TMEM132B: variants seen among roughly 807,000 people sequenced by gnomAD.
TMEM132B encodes transmembrane protein 132B.
Under a neutral mutation model 90.8 loss-of-function variants are expected in TMEM132B, and 18 were observed. The observed-to-expected ratio is 0.20, with a 90% CI of 0.14 to 0.29. The LOEUF (loss-of-function observed/expected upper bound fraction) is 0.29, where lower values mean the gene tolerates loss of function less well. Among genes scored for constraint, TMEM132B ranks in the 10% least tolerant of loss-of-function variants. TMEM132B has a pLI of 1.00. For missense variants in TMEM132B, 1,096 were observed against 1,326.8 expected, an observed-to-expected ratio of 0.83 and a Z score of 2.70; for synonymous variants, 504 against 523.3, an observed-to-expected ratio of 0.96 and a Z score of 0.50.
At position 125,614,256 on chromosome 12, in the gene TMEM132B, A is replaced by G. The variant is rs534587616; in HGVS notation, c.1438-29820A>G. 3.9e-5 allele frequency among the ~76,000 whole-genome samples: 6 copies of G among 152,122 alleles called. No homozygotes were observed. The South Asian group carries it at 1.2e-3, about 32-fold the overall frequency. On this transcript the variant is annotated intron_variant, in intron 5 of 8. Coordinates refer to ENST00000682704, the MANE Select transcript of TMEM132B (RefSeq NM_001366854.1). ...TGAGAATAGTGCCTGATAGTTTTTT[A>G]ACCCATCCTCTCACCCTCTACTCTA... is the stretch of plus-strand genomic sequence containing the variant.
In TMEM132B at chr12:125,650,809, G is replaced by A; in HGVS notation, c.1770G>A (p.Gln590=). The A allele has an allele frequency of 6.2e-7, 1 of 1,614,222 alleles. No individual in the cohort carries two copies. The highest frequency in any genetic ancestry group is 8.5e-7 in the Non-Finnish European group (1 of 1,180,040). The change falls in exon 7 of 9, where the codon CAG becomes CAA. Residue 590 remains glutamine, a synonymous_variant. Coordinates refer to ENST00000682704, the MANE Select transcript of TMEM132B (RefSeq NM_001366854.1). The part of the protein sequence containing the change: ...QFVAESPDLG[Q]LTYMLGPDWQ... ...TGGCCGAGTCACCTGACTTAGGGCA[G>A]CTGACCTACATGCTGGGCCCCGACT...
intron 1 of TMEM132B, among the ~76,000 whole-genome samples, chr12:125,250,138 G>A (rs1485399990): frequency 5.3e-5 from 8 of 152,240 alleles, no homozygotes; most frequent in Admixed American, 3.3e-4. Flanking sequence ...CCACAGCAGC[G>A]TCACAGCAGC....
chr12:125,544,685 G>A (rs190987231), intron 4 of TMEM132B, among the ~76,000 whole-genome samples: 6 of 152,206 alleles, frequency 3.9e-5, no homozygotes, highest in African/African-American at 1.2e-4. Context: ...CACCTGTCCC[G>A]CAGTCAATGC....
At chr12:125,503,929 A>G (rs569873735) in intron 3 of TMEM132B, among the ~76,000 whole-genome samples, 1 of 152,324 alleles carries the variant, frequency 6.6e-6, no homozygotes, top group East Asian at 1.9e-4. Context: ...ACATGCACAT[A>G]ATTTTTTCTA....
intron 5 of TMEM132B, among the ~76,000 whole-genome samples, chr12:125,611,251 T>G (rs1885817775): frequency 6.6e-6 from 1 of 152,162 alleles, no homozygotes; most frequent in South Asian, 2.1e-4. Context: ...GGAATGTCCC[T>G]TCTTTCATTA....
chr12:125,302,647 C>T (rs1010409665), intron 1 of TMEM132B, among the ~76,000 whole-genome samples: 27 of 152,160 alleles, frequency 1.8e-4, no homozygotes, highest in Admixed American at 9.2e-4. Context: ...AAGGTGTTTT[C>T]CCCCTTCTTT....
intron 1 of TMEM132B, among the ~76,000 whole-genome samples, chr12:125,261,990 C>T (rs745760331): frequency 2.2e-4 from 33 of 152,082 alleles, no homozygotes; most frequent in Non-Finnish European, 2.1e-4. Flanking sequence ...AGCCACCATG[C>T]GCAGCTTATA....
intron 5 of TMEM132B, among the ~76,000 whole-genome samples, chr12:125,633,948 C>G (rs1886423054): frequency 6.6e-6 from 1 of 152,178 alleles, no homozygotes; most frequent in Non-Finnish European, 1.5e-5. Context: ...TATGTTTGCT[C>G]AAGGCCCTGG....
intron 1 of TMEM132B, among the ~76,000 whole-genome samples, chr12:125,232,271 G>T (rs949520339): frequency 6.6e-6 from 1 of 151,932 alleles, no homozygotes; most frequent in East Asian, 1.9e-4. Context: ...ATGGTTCTTT[G>T]CTTAGATTCT....
chr12:125,558,773 A>T (rs79085863), intron 4 of TMEM132B, among the ~76,000 whole-genome samples: 5 of 152,196 alleles, frequency 3.3e-5, no homozygotes, highest in Non-Finnish European at 7.3e-5. Context: ...TAAGCTATCA[A>T]TTGATCCACC....
intron 1 of TMEM132B, among the ~76,000 whole-genome samples, chr12:125,220,974 C>T (rs896501305): frequency 2.6e-5 from 4 of 152,238 alleles, no homozygotes; most frequent in Non-Finnish European, 4.4e-5. Flanking sequence ...ACGTGCAATT[C>T]TGTTTGGAAC....
intron 1 of TMEM132B, among the ~76,000 whole-genome samples, chr12:125,308,363 G>A (rs1181386799): frequency 6.6e-6 from 1 of 152,004 alleles, no homozygotes; most frequent in Admixed American, 6.6e-5. Flanking sequence ...CTGGAATATG[G>A]AACTGCTCTG....
chr12:125,487,748 A>C (rs1422111292), intron 3 of TMEM132B, among the ~76,000 whole-genome samples: 1 of 152,058 alleles, frequency 6.6e-6, no homozygotes, highest in African/African-American at 2.4e-5. Flanking sequence ...AACATCGAGG[A>C]GTGTCAAACA....
chr12:125,397,326 C>G (rs2136313646), intron 2 of TMEM132B, among the ~76,000 whole-genome samples: 1 of 152,212 alleles, frequency 6.6e-6, no homozygotes, highest in East Asian at 1.9e-4. Flanking sequence ...TAGGTTAACG[C>G]CTGACAGGTA....
intron 2 of TMEM132B, among the ~76,000 whole-genome samples, chr12:125,403,083 C>G (rs906931599): frequency 6.6e-6 from 1 of 152,040 alleles, no homozygotes. Flanking sequence ...TTTTGCATAC[C>G]CTGCAAAACT....
At chr12:125,300,593 ATAGAGTGCCTACTGTAT>A (rs1451204418) in intron 1 of TMEM132B, among the ~76,000 whole-genome samples, 1 of 152,242 alleles carries the variant, frequency 6.6e-6, no homozygotes, top group Non-Finnish European at 1.5e-5. Flanking sequence ...ACTACAATTT[ATAGAGTGCCTACTGTAT>A]ACCAGGACCT....
chr12:125,622,844 C>T (rs1435161557), intron 5 of TMEM132B, among the ~76,000 whole-genome samples: 5 of 152,156 alleles, frequency 3.3e-5, no homozygotes, highest in African/African-American at 1.2e-4. Context: ...GTTCACAATT[C>T]AGAGCATTCA....
intron 5 of TMEM132B, among the ~76,000 whole-genome samples, chr12:125,632,402 A>G (rs1442533576): frequency 1.3e-5 from 2 of 152,090 alleles, no homozygotes; most frequent in Admixed American, 6.5e-5. Context: ...AAGTCTCTCT[A>G]CTTAGGATAA....
At chr12:125,514,513 A>G (rs1014885325) in intron 3 of TMEM132B, among the ~76,000 whole-genome samples, 2 of 152,184 alleles carry the variant, frequency 1.3e-5, no homozygotes, top group Non-Finnish European at 2.9e-5. Flanking sequence ...AATGCCTAGA[A>G]AAAGTCTCAT....
Sources: gnomAD v4.1 joint callset for allele counts (sites outside exome capture counted in the v4.1 genomes callset) on GRCh38, gnomAD v4.1.1 for gene constraint, MANE v1.5 for transcripts, NCBI Gene and HGNC (gene_info 2026-07-23, HGNC 2026-07-21) for gene names.